The following RBSN variants were observed in gnomAD, a reference collection of about 807,000 sequenced individuals.
The protein encoded by RBSN is rabenosyn-5.
Under a neutral mutation model 60.5 loss-of-function variants are expected in RBSN, and 34 were observed. The ratio of observed to expected loss-of-function variants is 0.56; its 90% confidence interval spans 0.43 to 0.75. The LOEUF (loss-of-function observed/expected upper bound fraction) is 0.75. Among genes scored for constraint, RBSN ranks in the 30% least tolerant of loss-of-function variants. RBSN has a pLI of 0.00. For missense variants in RBSN, 845 were observed against 986.8 expected (o/e 0.86, Z 1.92); for synonymous variants, 322 against 366.9 (o/e 0.88, Z 1.40).
At chr3:15,091,439 T>G in intron 4 of RBSN, 3 of 1,283,336 alleles carry the variant, frequency 2.3e-6, no homozygotes, top group Non-Finnish European at 3.0e-6. Context: ...GCCCACGCAC[T>G]TATTGAATGC....
chr3:15,098,726 A>G (rs1458702506), intron 1 of RBSN, among the ~76,000 whole-genome samples: 1 of 152,170 alleles, frequency 6.6e-6, no homozygotes, highest in Non-Finnish European at 1.5e-5. Flanking sequence ...GAACATCTCC[A>G]CACGAACTCA....
intron 6 of RBSN, 70 bp from the exon 7 acceptor site, chr3:15,085,115 C>A: frequency 6.4e-7 from 1 of 1,555,358 alleles, no homozygotes. Context: ...CTTTCCAATA[C>A]ATCAAGTGGG....
chr3:15,088,786 G>C (rs1157410085), intron 5 of RBSN, among the ~76,000 whole-genome samples: 3 of 152,146 alleles, frequency 2.0e-5, no homozygotes, highest in Non-Finnish European at 2.9e-5. Context: ...CTTAAAATGT[G>C]GTTAGTGTGT....
intron 10 of RBSN, among the ~76,000 whole-genome samples, chr3:15,079,784 C>T (rs1249432235): frequency 2.0e-5 from 3 of 152,168 alleles, no homozygotes; most frequent in Non-Finnish European, 4.4e-5. Flanking sequence ...GGGGAAAGGG[C>T]AGTGGCTGCT....
chr3:15,077,030 G>A lies in RBSN; in HGVS notation c.1101+32C>T. ...AGCAAAAGAGCAGGACAGGCCAAGT[G>A]CAACATTTATGCCAACCCAGGATGG... On this transcript the variant is annotated intron_variant, in intron 12 of 13. Transcript: ENST00000253699. This position sits in a 1 kb window ranked among gnomAD's most constrained non-coding sequence, Gnocchi z 4.4. 6.3e-7 allele frequency: 1 copy of A among 1,597,266 alleles called. No individual in the cohort carries two copies. Among genetic ancestry groups the A allele is most frequent in the Non-Finnish European group, 8.6e-7 (1 of 1,164,762 alleles).
chr3:15,080,601 C>A (rs1004753204), intron 10 of RBSN, 131 bp downstream of exon 10: 26 of 851,538 alleles, frequency 3.1e-5, no homozygotes, highest in East Asian at 7.3e-5. Flanking sequence ...TGGAAAAAAA[C>A]CAACTTCAGC....
intron 13 of RBSN, 74 bp downstream of exon 13, chr3:15,075,532 C>G (rs1036878172): frequency 3.5e-5 from 43 of 1,222,502 alleles, no homozygotes; most frequent in Non-Finnish European, 4.7e-5. Context: ...CGCACACAAC[C>G]TGGGAGCCCA....
chr3:15,097,307 G>A (rs1328616862), intron 2 of RBSN, among the ~76,000 whole-genome samples: 1 of 152,292 alleles, frequency 6.6e-6, no homozygotes, highest in East Asian at 1.9e-4. Context: ...CTGAGGTCAG[G>A]AGTTCGAGAC....
Position 15,077,132 on chromosome 3 carries a change from T to C in RBSN, c.1031A>G (p.Asp344Gly). 6.2e-7 allele frequency: 1 copy of C among 1,614,012 alleles called. No individual in the cohort carries two copies. Among genetic ancestry groups the C allele is most frequent in the Non-Finnish European group, 8.5e-7 (1 of 1,179,964 alleles). Residue 344 changes from aspartate to glycine, a missense_variant, in exon 12 of 14, where the codon GAC becomes GGC. Coordinates refer to ENST00000253699, the MANE Select transcript of RBSN (RefSeq NM_022340.4). This position sits in a 1 kb window ranked among gnomAD's most constrained non-coding sequence, Gnocchi z 4.4. ...CAAATTGCTTGGATGTGGTGGAGGG[T>C]CCTGGTTCAAGCCCAAGGTTAAGAT... ...KKILTLGLNQ[D>G]PPPHPSNLRL...
chr3:15,081,589 C>T (rs2043205537), intron 9 of RBSN: 1 of 152,302 alleles, frequency 6.6e-6, no homozygotes, highest in Admixed American at 6.5e-5. Context: ...ATAGGGATTC[C>T]AGAAACAGTG....
chr3:15,089,033 CT>C (rs1351249844), intron 5 of RBSN, among the ~76,000 whole-genome samples: 2 of 152,028 alleles, frequency 1.3e-5, no homozygotes, highest in Non-Finnish European at 2.9e-5. Context: ...CTCCACAAGG[CT>C]TTTGTGAAAG....
Position 15,084,154 on chromosome 3 carries a change from G to A in RBSN, c.598+581C>T, listed in dbSNP as rs1014732431. On this transcript the variant is annotated intron_variant, in intron 8 of 13. Coordinates refer to ENST00000253699, the MANE Select transcript of RBSN (RefSeq NM_022340.4). The surrounding 1 kb of genome is among the most constrained non-coding windows in gnomAD (Gnocchi z 4.2). ...TTTTTTTGAGATGGGAGTCTCGCTC[G>A]GTCACCCAGGCTGAAGTGCAGTGGC... is the stretch of plus-strand genomic sequence containing the variant. Among the ~76,000 whole-genome samples, 2 of 151,914 alleles carry A rather than the reference G, an allele frequency of 1.3e-5. No individual in the cohort carries two copies. Among genetic ancestry groups the A allele is most frequent in the Admixed American group, 6.6e-5 (1 of 15,252 alleles).
chr3:15,089,888 G>A (rs1201922900), intron 5 of RBSN, among the ~76,000 whole-genome samples: 16 of 152,062 alleles, frequency 1.1e-4, no homozygotes, highest in Non-Finnish European at 7.4e-5. Context: ...GTGAGCCACC[G>A]CGCCCAGCTT....
At chr3:15,090,606 C>A in intron 4 of RBSN, 67 bp from the exon 5 acceptor site, 2 of 1,550,880 alleles carry the variant, frequency 1.3e-6, no homozygotes, top group Non-Finnish European at 1.7e-6. Context: ...CAAAAGAAAT[C>A]TCAAAAAACA....
chr3:15,075,058 G>T, intron 13 of RBSN, 128 bp from the exon 14 acceptor site: 1 of 1,107,290 alleles, frequency 9.0e-7, no homozygotes. Context: ...TCAGGACAAA[G>T]ATATCCAACT....
At chr3:15,075,752 G>A (rs764904117) in intron 12 of RBSN, 42 bp from the exon 13 acceptor site, 1 of 1,527,218 alleles carries the variant, frequency 6.5e-7, no homozygotes, top group South Asian at 1.1e-5. Context: ...AACCCTTTTA[G>A]AGAAAAAATG....
intron 6 of RBSN, among the ~76,000 whole-genome samples, chr3:15,085,582 T>A (rs1027423819): frequency 6.6e-6 from 1 of 152,092 alleles, no homozygotes; most frequent in Non-Finnish European, 1.5e-5. Flanking sequence ...AAAAGAAGAA[T>A]CTGAAGGAAG....
chr3:15,089,468 A>C (rs1232271485), intron 5 of RBSN, among the ~76,000 whole-genome samples: 12 of 112,966 alleles, frequency 1.1e-4, no homozygotes, highest in South Asian at 4.6e-4. Flanking sequence ...AAAAAAAAAA[A>C]AAAAAAAAAC....
At chr3:15,087,910 C>T (rs2043391183) in intron 5 of RBSN, among the ~76,000 whole-genome samples, 1 of 152,164 alleles carries the variant, frequency 6.6e-6, no homozygotes, top group African/African-American at 2.4e-5. Context: ...TGAGCCACCG[C>T]ACCTGGCCAC....
Sources: gnomAD v4.1 joint callset for allele counts (sites outside exome capture counted in the v4.1 genomes callset) on GRCh38, gnomAD v4.1.1 for gene constraint, Gnocchi (gnomAD v3.1) non-coding constraint, MANE v1.5 for transcripts, NCBI Gene and HGNC (gene_info 2026-07-23, HGNC 2026-07-21) for gene names.